HTR1F: variants seen among roughly 807,000 people sequenced by gnomAD.
HTR1F encodes the protein 5-hydroxytryptamine receptor 1F.
In HTR1F, 17 loss-of-function variants were observed where a neutral mutation model predicts 24.0. That is an observed-to-expected ratio of 0.71 (90% CI 0.48 to 1.06). HTR1F has a LOEUF of 1.06. Ranked by LOEUF, HTR1F falls within the 50% of genes least tolerant of loss-of-function variation. The probability of loss-of-function intolerance (pLI) is 0.00; values close to 1 mark genes in which losing one functional copy is unlikely to be tolerated. For missense variants in HTR1F, 391 were observed against 427.8 expected (o/e 0.91, Z 0.76); for synonymous variants, 186 against 156.8 (o/e 1.19, Z -1.39).
chr3:87,867,671 C>T (rs1262111726), intron 2 of HTR1F, among the ~76,000 whole-genome samples: 2 of 152,116 alleles, frequency 1.3e-5, no homozygotes, highest in South Asian at 2.1e-4. Flanking sequence ...TCTGTCAATT[C>T]TTCTGTGCAA....
chr3:87,860,345 A>G (rs55890260), intron 2 of HTR1F, among the ~76,000 whole-genome samples: 11,428 of 152,280 alleles, frequency 0.075, 520 homozygotes, highest in Middle Eastern at 0.12. Flanking sequence ...ACTGAGTTGT[A>G]GTTTTTGTTG....
chr3:87,860,331 A>T (rs1241892292), intron 2 of HTR1F, among the ~76,000 whole-genome samples: 3 of 152,220 alleles, frequency 2.0e-5, no homozygotes, highest in African/African-American at 7.2e-5. Context: ...TTGTACCATG[A>T]CACACTGAGT....
chr3:87,982,512 A>C (rs1705566924), intron 2 of HTR1F, among the ~76,000 whole-genome samples: 1 of 152,148 alleles, frequency 6.6e-6, no homozygotes, highest in Non-Finnish European at 1.5e-5. Context: ...CAAAATGAAA[A>C]GACTTTCTGT....
chr3:87,885,563 T>C (rs1575987683), intron 2 of HTR1F, among the ~76,000 whole-genome samples: 2 of 152,014 alleles, frequency 1.3e-5, no homozygotes, highest in Non-Finnish European at 2.9e-5. Context: ...AGCTGTTTTT[T>C]TGAAACAATC....
chr3:87,983,870 G>A (rs1224091183), intron 2 of HTR1F, among the ~76,000 whole-genome samples: 5 of 151,938 alleles, frequency 3.3e-5, no homozygotes, highest in African/African-American at 7.3e-5. Flanking sequence ...TTTTGCTTAC[G>A]CCTTTTCCCT....
At chr3:87,956,135 T>C (rs1427273568) in intron 2 of HTR1F, among the ~76,000 whole-genome samples, 1 of 151,430 alleles carries the variant, frequency 6.6e-6, no homozygotes, top group Non-Finnish European at 1.5e-5. Context: ...TAATCTAAAG[T>C]AGCTAAAATT....
intron 2 of HTR1F, among the ~76,000 whole-genome samples, chr3:87,889,128 T>C (rs985145248): frequency 6.6e-6 from 1 of 152,148 alleles, no homozygotes; most frequent in Non-Finnish European, 1.5e-5. Context: ...TCTGGCCATG[T>C]AATCTCTGCA....
At chr3:87,902,513 A>T (rs998314526) in intron 2 of HTR1F, among the ~76,000 whole-genome samples, 1 of 152,160 alleles carries the variant, frequency 6.6e-6, no homozygotes. Flanking sequence ...AGTTTTTTAA[A>T]CAGGACCAAA....
intron 2 of HTR1F, among the ~76,000 whole-genome samples, chr3:87,927,174 T>A (rs1704146084): frequency 1.3e-5 from 2 of 151,870 alleles, no homozygotes; most frequent in Non-Finnish European, 2.9e-5. Context: ...GTGTAGATGA[T>A]CACCAGTGAG....
At chr3:87,890,442 A>T (rs1575993377) in intron 2 of HTR1F, among the ~76,000 whole-genome samples, 1 of 152,300 alleles carries the variant, frequency 6.6e-6, no homozygotes, top group East Asian at 1.9e-4. Context: ...TTTAGTAAAC[A>T]ATTGCAAAAC....
rs1319544518 is a variant in HTR1F, at chr3:87,991,892, G to C, written c.*42G>C. On this transcript the variant is annotated 3_prime_UTR_variant, in exon 3 of 3. Transcript: ENST00000319595. ...TATTGAAGGATGGGGGTTTTTGAGG[G>C]GAGGAATAACTAGATGAATGCCAAA... 2.0e-6 allele frequency: 3 copies of C among 1,497,298 alleles called. No individual in the cohort carries two copies. The East Asian group carries it at 6.9e-5, about 34-fold the overall frequency. 92.8% of individuals were successfully genotyped at this position (1,497,298 alleles called of 1,614,324 possible). A position where few individuals can be genotyped will look rare whatever the true frequency, so the allele number is the denominator to read the frequency against.
chr3:87,879,777 A>C (rs182739296), intron 2 of HTR1F, among the ~76,000 whole-genome samples: 15 of 152,260 alleles, frequency 9.9e-5, no homozygotes, highest in African/African-American at 3.6e-4. Flanking sequence ...AAGTTTAGTT[A>C]AACAAGATTT....
intron 2 of HTR1F, among the ~76,000 whole-genome samples, chr3:87,929,199 C>G (rs1704199860): frequency 6.6e-6 from 1 of 152,066 alleles, no homozygotes; most frequent in East Asian, 1.9e-4. Context: ...TAAAAGTAAC[C>G]AACAGCCAAG....
chr3:87,889,066 A>G (rs1706021564), intron 2 of HTR1F, among the ~76,000 whole-genome samples: 1 of 151,982 alleles, frequency 6.6e-6, no homozygotes, highest in African/African-American at 2.4e-5. Flanking sequence ...TCCTCATGAG[A>G]GCTGGTTGTT....
intron 2 of HTR1F, among the ~76,000 whole-genome samples, chr3:87,983,166 A>G (rs1395371314): frequency 3.9e-5 from 6 of 152,164 alleles, no homozygotes; most frequent in Admixed American, 2.0e-4. Flanking sequence ...AAAGCAAGAC[A>G]TGGTGGGGAG....
At chr3:87,806,303 G>T (rs1483816948) in intron 1 of HTR1F, among the ~76,000 whole-genome samples, 1 of 151,690 alleles carries the variant, frequency 6.6e-6, no homozygotes, top group Non-Finnish European at 1.5e-5. Flanking sequence ...TAGTTTTTTG[G>T]GAAATCTCCA....
intron 2 of HTR1F, among the ~76,000 whole-genome samples, chr3:87,831,603 C>A (rs1446154190): frequency 2.0e-5 from 3 of 151,944 alleles, no homozygotes; most frequent in African/African-American, 7.2e-5. Context: ...ACCTCGTGAT[C>A]TGCCTGCCTC....
chr3:87,813,546 G>A (rs1259304553), intron 1 of HTR1F, among the ~76,000 whole-genome samples: 9 of 152,162 alleles, frequency 5.9e-5, no homozygotes, highest in East Asian at 3.8e-4. Flanking sequence ...TTGGGGGACC[G>A]TTGGGAAGGC....
intron 2 of HTR1F, among the ~76,000 whole-genome samples, chr3:87,889,012 T>A (rs1022976206): frequency 6.6e-6 from 1 of 152,120 alleles, no homozygotes; most frequent in Non-Finnish European, 1.5e-5. Context: ...ACGAATAGAT[T>A]AATGCTCTTC....
Sources: gnomAD v4.1 joint callset for allele counts (sites outside exome capture counted in the v4.1 genomes callset) on GRCh38, gnomAD v4.1.1 for gene constraint, MANE v1.5 for transcripts, NCBI Gene and HGNC (gene_info 2026-07-23, HGNC 2026-07-21) for gene names.